Variants in VPS13D observed in about 807,000 individuals in gnomAD.
The protein encoded by VPS13D is vacuolar protein sorting 13 homolog D.
A neutral mutation model predicts 461.9 loss-of-function variants in VPS13D; 187 were observed. The ratio of observed to expected loss-of-function variants is 0.40; its 90% CI spans 0.36 to 0.46. The LOEUF (loss-of-function observed/expected upper bound fraction) is 0.46, where lower values mean the gene tolerates loss of function less well. Ranked by LOEUF, VPS13D falls within the 20% of genes least tolerant of loss-of-function variation. The pLI, the probability that VPS13D is intolerant of heterozygous loss-of-function variation, is 0.60. For missense variants in VPS13D, 4,711 were observed against 5,364.9 expected (o/e 0.88, Z 3.81); for synonymous variants, 1,951 against 1,986.3 (o/e 0.98, Z 0.47).
intron 68 of VPS13D, chr1:12,500,285 A>G: frequency 2.1e-6 from 2 of 935,506 alleles, no homozygotes; most frequent in South Asian, 9.9e-5. Context: ...TCCTCTGATA[A>G]GTTGCACAAT....
intron 64 of VPS13D, among the ~76,000 whole-genome samples, chr1:12,416,437 T>C (rs901081213): frequency 2.6e-5 from 4 of 152,028 alleles, no homozygotes; most frequent in Non-Finnish European, 1.5e-5. Context: ...CTTGGAAGAG[T>C]ATGTGTATTG....
intron 25 of VPS13D, among the ~76,000 whole-genome samples, chr1:12,301,059 A>G (rs1244957326): frequency 6.6e-6 from 1 of 152,212 alleles, no homozygotes; most frequent in African/African-American, 2.4e-5. Context: ...TGTAAGATTT[A>G]AAAACTGCCG....
At chr1:12,458,108 A>G (rs946172697) in intron 66 of VPS13D, among the ~76,000 whole-genome samples, 4 of 152,208 alleles carry the variant, frequency 2.6e-5, no homozygotes, top group African/African-American at 9.7e-5. Context: ...CCTCCCATCA[A>G]GAATCATTCC....
intron 35 of VPS13D, among the ~76,000 whole-genome samples, chr1:12,324,903 A>T (rs1414286398): frequency 6.6e-6 from 1 of 152,102 alleles, no homozygotes; most frequent in Non-Finnish European, 1.5e-5. Context: ...GGTTAGGTAA[A>T]ACTTCTTAAG....
intron 23 of VPS13D, among the ~76,000 whole-genome samples, chr1:12,292,296 A>G (rs1642155759): frequency 6.8e-6 from 1 of 146,364 alleles, no homozygotes. Flanking sequence ...AGCTTTTCTC[A>G]GAAAATAGGG....
At chr1:12,389,237 C>A (rs1344136747) in intron 60 of VPS13D, among the ~76,000 whole-genome samples, 1 of 152,184 alleles carries the variant, frequency 6.6e-6, no homozygotes, top group Non-Finnish European at 1.5e-5. Context: ...GTGGATCTGC[C>A]TTTCCCAGCC....
Position 12,260,948 on chromosome 1 carries a change from A to G in VPS13D, c.1213A>G (p.Ser405Gly). The G allele has an allele frequency of 1.2e-6, 2 of 1,613,998 alleles. No individual in the cohort carries two copies. Among genetic ancestry groups the G allele is most frequent in the East Asian group, 2.2e-5 (1 of 44,888 alleles). The change falls in exon 12 of 70, where the codon AGT becomes GGT. Residue 405 changes from serine (S) to glycine (G), a missense_variant and splice_region_variant. Ser to Gly is a moderately conservative substitution (Grantham distance 56). Transcript: ENST00000620676. Reference sequence around the variant, plus strand: ...CTCTGCTCCTTTGTGATTGACACAGAGTCTGCGGGAGCCTCAGTTTGATTC... The same window carrying G: ...CTCTGCTCCTTTGTGATTGACACAGGGTCTGCGGGAGCCTCAGTTTGATTC... ...RFHKQEELAESLREPQFDSPG... is the reference protein window; with the variant it reads ...RFHKQEELAEGLREPQFDSPG...
intron 67 of VPS13D, among the ~76,000 whole-genome samples, chr1:12,481,602 CCTT>C (rs1219421873): frequency 1.3e-5 from 2 of 152,138 alleles, no homozygotes; most frequent in East Asian, 1.9e-4. Flanking sequence ...GACCCCAAGT[CCTT>C]CTCTTTTATT....
intron 30 of VPS13D, among the ~76,000 whole-genome samples, chr1:12,317,099 T>A (rs1179321979): frequency 6.6e-6 from 1 of 151,170 alleles, no homozygotes; most frequent in African/African-American, 2.4e-5. Context: ...ATCTGGGCTG[T>A]CAGGTCAGTT....
chr1:12,441,046 C>T (rs918790349), intron 65 of VPS13D, among the ~76,000 whole-genome samples: 1 of 151,994 alleles, frequency 6.6e-6, no homozygotes, highest in Admixed American at 6.5e-5. Context: ...CTGCCTCAGC[C>T]TCCTGAGTAG....
At chr1:12,457,873 A>G (rs368820858) in intron 66 of VPS13D, among the ~76,000 whole-genome samples, 2 of 152,216 alleles carry the variant, frequency 1.3e-5, no homozygotes, top group Non-Finnish European at 2.9e-5. Context: ...ACTGTTGGGC[A>G]ATCATTTGGG....
chr1:12,465,997 TG>T (rs1238231598), intron 67 of VPS13D, among the ~76,000 whole-genome samples: 1 of 152,156 alleles, frequency 6.6e-6, no homozygotes, highest in East Asian at 1.9e-4. Context: ...TAGCTGGGCG[TG>T]GTGGTGCGCG....
At chr1:12,297,961 A>G (rs770603585) in intron 24 of VPS13D, among the ~76,000 whole-genome samples, 131 of 152,240 alleles carry the variant, frequency 8.6e-4, no homozygotes, top group Non-Finnish European at 1.4e-3. Context: ...CCATTAACAT[A>G]TAACTGAACG....
At chr1:12,454,842 C>T (rs551500193) in intron 65 of VPS13D, among the ~76,000 whole-genome samples, 1 of 152,352 alleles carries the variant, frequency 6.6e-6, no homozygotes, top group East Asian at 1.9e-4. Context: ...GAGGTTAGTC[C>T]TGGGTCATTG....
intron 32 of VPS13D, among the ~76,000 whole-genome samples, chr1:12,321,408 G>GTT (rs1317205511): frequency 6.6e-6 from 1 of 152,046 alleles, no homozygotes; most frequent in East Asian, 1.9e-4. Flanking sequence ...AATCCATATG[G>GTT]TCTTTTTTGT....
intron 21 of VPS13D, among the ~76,000 whole-genome samples, chr1:12,286,540 A>C (rs1402283450): frequency 6.6e-6 from 1 of 152,178 alleles, no homozygotes; most frequent in African/African-American, 2.4e-5. Flanking sequence ...AGAGTGTCCC[A>C]CATTTTAGGT....
chr1:12,287,884 T>A (rs1222600597), intron 21 of VPS13D, among the ~76,000 whole-genome samples: 2 of 152,196 alleles, frequency 1.3e-5, no homozygotes, highest in Non-Finnish European at 2.9e-5. Context: ...ATTTAATGGA[T>A]CTGTTTGAGT....
At chr1:12,449,971 A>G (rs1434696730) in intron 65 of VPS13D, among the ~76,000 whole-genome samples, 1 of 152,132 alleles carries the variant, frequency 6.6e-6, no homozygotes, top group Non-Finnish European at 1.5e-5. Context: ...CTAAAAATAC[A>G]AAAATTAGCC....
intron 52 of VPS13D, among the ~76,000 whole-genome samples, chr1:12,366,667 G>A (rs535660492): frequency 6.6e-6 from 1 of 152,252 alleles, no homozygotes; most frequent in East Asian, 1.9e-4. Context: ...AAACTACTGC[G>A]AACAGACCTA....
Sources: gnomAD v4.1 joint callset for allele counts (sites outside exome capture counted in the v4.1 genomes callset) on GRCh38, gnomAD v4.1.1 for gene constraint, MANE v1.5 for transcripts, NCBI Gene and HGNC (gene_info 2026-07-23, HGNC 2026-07-21) for gene names.